Variants in TPMT observed in about 807,000 individuals in gnomAD.
TPMT encodes the protein thiopurine S-methyltransferase, also known as S-adenosyl-L-methionine:thiopurine S-methyltransferase.
Under a neutral mutation model 34.2 loss-of-function variants are expected in TPMT, and 18 were observed. That is an observed-to-expected ratio of 0.53 (90% CI 0.36 to 0.78). The LOEUF is 0.78. Among genes scored for constraint, TPMT ranks in the 30% least tolerant of loss-of-function variants. TPMT has a pLI of 0.00. For missense variants in TPMT, 265 were observed against 288.1 expected (o/e 0.92, Z 0.58); for synonymous variants, 69 against 92.4 (o/e 0.75, Z 1.45).
intron 3 of TPMT, among the ~76,000 whole-genome samples, chr6:18,147,520 C>T (rs1489530444): frequency 1.3e-5 from 2 of 152,178 alleles, no homozygotes; most frequent in Admixed American, 1.3e-4. Context: ...AAACCACCTA[C>T]AAAAACTGAA....
Position 18,147,729 on chromosome 6 carries a change from T to C in TPMT, c.233+94A>G, listed in dbSNP as rs17839846. On this transcript the variant is annotated intron_variant, in intron 3 of 8. Transcript: ENST00000309983. ...AAATAAGGAATTTCTGTGTATTTCC[T>C]GAAAATGGAGTTTTAAAACTCACAT... 1.5e-3 allele frequency: 1,724 copies of C among 1,157,654 alleles called. 31 individuals carry two copies. The Admixed American group carries it at 0.028, about 19-fold the overall frequency. The allele number at this position is 1,157,654 out of a possible 1,614,324, so 71.7% of individuals were successfully genotyped here.
rs1484279345 is a variant in TPMT, at chr6:18,135,743, A to G, written c.495-1854T>C. On this transcript the variant is annotated intron_variant, in intron 6 of 8. Transcript: ENST00000309983. This position sits in a 1 kb window ranked among gnomAD's most constrained non-coding sequence, Gnocchi z 5.0. ...AAAATTAGCTGGGTGTGGTGGCGCT[A>G]CTGTAATCCCAGCTACTCTGGAGGC... Among the ~76,000 whole-genome samples, 3 of 151,992 alleles carry G rather than the reference A, an allele frequency of 2.0e-5. No homozygotes were observed. The East Asian group carries it at 5.8e-4, about 30-fold the overall frequency.
chr6:18,151,050 C>T (rs553271452), intron 1 of TPMT, among the ~76,000 whole-genome samples: 3 of 152,216 alleles, frequency 2.0e-5, no homozygotes, highest in Admixed American at 2.0e-4. Context: ...TCTGGGACCC[C>T]TATTATTTGT....
At chr6:18,152,888 T>C (rs1175071973) in intron 1 of TPMT, among the ~76,000 whole-genome samples, 1 of 152,138 alleles carries the variant, frequency 6.6e-6, no homozygotes, top group Non-Finnish European at 1.5e-5. Context: ...TGATAAGAGA[T>C]CACAGACCAC....
rs1235814249 is a variant in TPMT at position 18,131,676 on chromosome 6, A to G, written c.625+457T>C. The stretch of plus-strand genomic sequence containing the variant: ...TAGCATATATACAGAGCATATTTAC[A>G]GAGATTAGTTCCTTTTCTAAGATAA... On this transcript the variant is annotated intron_variant, in intron 8 of 8. Transcript: ENST00000309983. The surrounding 1 kb of genome is among the most constrained non-coding windows in gnomAD (Gnocchi z 4.3). Among the ~76,000 whole-genome samples the G allele has an allele frequency of 1.3e-5, 2 of 152,238 alleles. No individual in the cohort carries two copies. The highest frequency in any genetic ancestry group is 3.8e-4 in the East Asian group (2 of 5,204).
In TPMT at chr6:18,146,071, G is replaced by C. The variant is rs528041066; in HGVS notation, c.233+1752C>G. ...GTTTTTCTATTCACATCTCATGTCTGTATAGACCTCAATACATAGATCAGT... is the reference window on the plus strand; with the variant it reads ...GTTTTTCTATTCACATCTCATGTCTCTATAGACCTCAATACATAGATCAGT... On this transcript the variant is annotated intron_variant, in intron 3 of 8. Coordinates refer to ENST00000309983, the MANE Select transcript of TPMT (RefSeq NM_000367.5). This position sits in a 1 kb window ranked among gnomAD's most constrained non-coding sequence, Gnocchi z 6.2. Among the ~76,000 whole-genome samples the C allele has an allele frequency of 7.9e-5, 12 of 152,068 alleles. No individual in the cohort carries two copies. Among genetic ancestry groups the C allele is most frequent in the African/African-American group, 2.2e-4 (9 of 41,392 alleles).
chr6:18,133,435 C>T (rs1014985279), intron 7 of TPMT, among the ~76,000 whole-genome samples: 1 of 152,242 alleles, frequency 6.6e-6, no homozygotes, highest in African/African-American at 2.4e-5. Context: ...GTGAAGGCAT[C>T]TGTCCAACAC....
chr6:18,143,596 C>T lies in TPMT; in HGVS notation c.366G>A (p.Lys122=), dbSNP rs773438706. 6.2e-7 allele frequency: 1 copy of T among 1,612,292 alleles called. No homozygotes were observed. Among genetic ancestry groups the T allele is most frequent in the Non-Finnish European group, 8.5e-7 (1 of 1,179,952 alleles). ...ITEIPGTKVF[K]SSSGNISLYC... is the part of the protein sequence containing the mutation. ...ATTATTTACCCAAATCAAAACAAAC[C>T]TTAAATACTTTGGTTCCAGGAATTT... The change falls in exon 4 of 9, where the codon AAG becomes AAA. Residue 122 remains lysine (K), a splice_region_variant and synonymous_variant. Coordinates refer to ENST00000309983, the MANE Select transcript of TPMT (RefSeq NM_000367.5). The surrounding 1 kb of genome is among the most constrained non-coding windows in gnomAD (Gnocchi z 6.1).
Position 18,149,304 on chromosome 6 carries a change from T to C in TPMT, c.-44-133A>G. ...CTTTCTTTTTTTATTTCTGGTTTTA[T>C]TTTTGAGATGGAGTCTCACTCTGTC... is the stretch of plus-strand genomic sequence containing the variant. On this transcript the variant is annotated intron_variant, in intron 1 of 8. Transcript: ENST00000309983. The surrounding 1 kb of genome is among the most constrained non-coding windows in gnomAD (Gnocchi z 5.0). 1 of 831,344 alleles carries C rather than the reference T, an allele frequency of 1.2e-6. No individual in the cohort carries two copies. The highest frequency in any genetic ancestry group is 1.8e-6 in the Non-Finnish European group (1 of 551,096). The allele number at this position is 831,344 out of a possible 1,614,324, so 51.5% of individuals were successfully genotyped here. A position where few individuals can be genotyped will look rare whatever the true frequency, so the allele number is the denominator to read the frequency against.
chr6:18,151,737 T>C (rs1784359000), intron 1 of TPMT, among the ~76,000 whole-genome samples: 1 of 152,076 alleles, frequency 6.6e-6, no homozygotes, highest in Non-Finnish European at 1.5e-5. Context: ...GGACTGCAGC[T>C]GCACACCCTC....
chr6:18,131,866 C>T lies in TPMT; in HGVS notation c.625+267G>A, dbSNP rs1030925841. Among the ~76,000 whole-genome samples, 7 of 152,136 alleles carry T rather than the reference C, an allele frequency of 4.6e-5. No homozygotes were observed. The highest frequency in any genetic ancestry group is 1.0e-4 in the Non-Finnish European group (7 of 68,024). Reference sequence around the variant, plus strand: ...AATCTTGGCTCACTACACTCTCTGCCTCCCAGGTTCAAGCAATTCCCATGC... The same window carrying T: ...AATCTTGGCTCACTACACTCTCTGCTTCCCAGGTTCAAGCAATTCCCATGC... On this transcript the variant is annotated intron_variant, in intron 8 of 8. Coordinates refer to ENST00000309983, the MANE Select transcript of TPMT (RefSeq NM_000367.5). This position sits in a 1 kb window ranked among gnomAD's most constrained non-coding sequence, Gnocchi z 4.3.
rs944123165 is a variant in TPMT at position 18,149,617 on chromosome 6, C to T, written c.-44-446G>A. Among the ~76,000 whole-genome samples the T allele has an allele frequency of 6.6e-6, 1 of 152,058 alleles. No homozygotes were observed. The highest frequency in any genetic ancestry group is 1.5e-5 in the Non-Finnish European group (1 of 67,998). On this transcript the variant is annotated intron_variant, in intron 1 of 8. Coordinates refer to ENST00000309983, the MANE Select transcript of TPMT (RefSeq NM_000367.5). This position sits in a 1 kb window ranked among gnomAD's most constrained non-coding sequence, Gnocchi z 5.0. ...GGACTTCAGGTACACACCACCACAC[C>T]TGGTTAATTTTTGTATATATATATT...
chr6:18,131,124 G>A lies in TPMT; in HGVS notation c.626-344C>T, dbSNP rs1468032440. Reference sequence around the variant, plus strand: ...TCGCGCTCTAGCCTAGGCAACAAGAGCGAAACTCCATCTCAAAACAAACAA... The same window carrying A: ...TCGCGCTCTAGCCTAGGCAACAAGAACGAAACTCCATCTCAAAACAAACAA... On this transcript the variant is annotated intron_variant, in intron 8 of 8. Transcript: ENST00000309983. This position sits in a 1 kb window ranked among gnomAD's most constrained non-coding sequence, Gnocchi z 4.3. 1.3e-5 allele frequency among the ~76,000 whole-genome samples: 2 copies of A among 152,138 alleles called. No homozygotes were observed. The highest frequency in any genetic ancestry group is 1.5e-5 in the Non-Finnish European group (1 of 68,026).
chr6:18,149,367 T>A lies in TPMT; in HGVS notation c.-44-196A>T, dbSNP rs1784309048. Among the ~76,000 whole-genome samples, 1 of 152,236 alleles carries A rather than the reference T, an allele frequency of 6.6e-6. No individual in the cohort carries two copies. Among genetic ancestry groups the A allele is most frequent in the Non-Finnish European group, 1.5e-5 (1 of 68,040 alleles). On this transcript the variant is annotated intron_variant, in intron 1 of 8. Coordinates refer to ENST00000309983, the MANE Select transcript of TPMT (RefSeq NM_000367.5). The surrounding 1 kb of genome is among the most constrained non-coding windows in gnomAD (Gnocchi z 5.0). ...GTACAGTAGTGTGATCTTGGCTCAC[T>A]GCAACCTCTGCCTCCCAGGTTCAAG...
At chr6:18,151,016 C>T (rs1175745757) in intron 1 of TPMT, among the ~76,000 whole-genome samples, 2 of 152,106 alleles carry the variant, frequency 1.3e-5, no homozygotes, top group Non-Finnish European at 2.9e-5. Context: ...GCCTGGCCAT[C>T]CCTCTGCTTT....
Position 18,139,787 on chromosome 6 carries a change from G to A in TPMT, c.367-70C>T. ...AAGTACTTGAATAGTCAAGGAAAGA[G>A]GGCCAAGCAAAGCAAAAGTTCTAGG... On this transcript the variant is annotated intron_variant, in intron 4 of 8. Coordinates refer to ENST00000309983, the MANE Select transcript of TPMT (RefSeq NM_000367.5). This position sits in a 1 kb window ranked among gnomAD's most constrained non-coding sequence, Gnocchi z 4.2. 1 of 1,062,736 alleles carries A rather than the reference G, an allele frequency of 9.4e-7. No individual in the cohort carries two copies. Among genetic ancestry groups the A allele is most frequent in the Non-Finnish European group, 1.4e-6 (1 of 711,580 alleles). The allele number at this position is 1,062,736 out of a possible 1,614,324, so 65.8% of individuals were successfully genotyped here. A position where few individuals can be genotyped will look rare whatever the true frequency, so the allele number is the denominator to read the frequency against.
At chr6:18,152,578 C>CT (rs1031024536) in intron 1 of TPMT, among the ~76,000 whole-genome samples, 22 of 150,356 alleles carry the variant, frequency 1.5e-4, no homozygotes, top group Admixed American at 1.3e-3. Context: ...ACTTTCTTTC[C>CT]TTTTCTTTCT....
At position 18,139,600 on chromosome 6, in the gene TPMT, C is replaced by A; in HGVS notation, c.419+65G>T. The A allele has an allele frequency of 7.5e-7, 1 of 1,326,868 alleles. No individual in the cohort carries two copies. Among genetic ancestry groups the A allele is most frequent in the South Asian group, 1.2e-5 (1 of 84,078 alleles). The allele number at this position is 1,326,868 out of a possible 1,614,324, so 82.2% of individuals were successfully genotyped here. ...AGAGAGTGAGGAAGACACCTCCACT[C>A]CCATGCCTGCACTGCCTGGCAAGCA... On this transcript the variant is annotated intron_variant, in intron 5 of 8. Transcript: ENST00000309983. The surrounding 1 kb of genome is among the most constrained non-coding windows in gnomAD (Gnocchi z 4.2).
In TPMT at chr6:18,139,675, C is replaced by CA. The variant is rs1784107421; in HGVS notation, c.408dup (p.Asp137Ter). On this transcript the variant is annotated frameshift_variant, in exon 5 of 9. Coordinates refer to ENST00000309983, the MANE Select transcript of TPMT (RefSeq NM_000367.5). LOFTEE classifies it high-confidence loss of function. This position sits in a 1 kb window ranked among gnomAD's most constrained non-coding sequence, Gnocchi z 4.2. ...TAGTATTCAACCTACCTGGGAAGAT[C>CA]AAAAATACTGCAACAGTACAATGAA... The CA allele has an allele frequency of 1.2e-6, 2 of 1,612,976 alleles. No homozygotes were observed. Among genetic ancestry groups the CA allele is most frequent in the East Asian group, 4.5e-5 (2 of 44,832 alleles).
Sources: gnomAD v4.1 joint callset for allele counts (sites outside exome capture counted in the v4.1 genomes callset) on GRCh38, gnomAD v4.1.1 for gene constraint, Gnocchi (gnomAD v3.1) non-coding constraint, MANE v1.5 for transcripts, NCBI Gene and HGNC (gene_info 2026-07-23, HGNC 2026-07-21) for gene names.